Variants in CACNA1C observed in about 807,000 individuals in gnomAD.
CACNA1C encodes the protein voltage-dependent L-type calcium channel subunit alpha-1C.
Under a neutral mutation model 229.0 loss-of-function variants are expected in CACNA1C, and 30 were observed. That is an observed-to-expected ratio of 0.13 (90% CI 0.10 to 0.18). CACNA1C has a LOEUF of 0.18. Among genes scored for constraint, CACNA1C ranks in the 10% least tolerant of loss-of-function variants. The pLI, the probability that CACNA1C is intolerant of heterozygous loss-of-function variation, is 1.00. For synonymous variants in CACNA1C, 1,114 were observed against 1,132.5 expected, an observed-to-expected ratio of 0.98 and a Z score of 0.33; for missense variants, 1,658 against 2,845.0, an observed-to-expected ratio of 0.58 and a Z score of 9.49.
intron 1 of CACNA1C, among the ~76,000 whole-genome samples, chr12:2,109,127 A>G (rs2080523167): frequency 6.6e-6 from 1 of 152,166 alleles, no homozygotes; most frequent in African/African-American, 2.4e-5. Flanking sequence ...TGGAGGAGTG[A>G]CCTGCTTTTG....
intron 38 of CACNA1C, among the ~76,000 whole-genome samples, chr12:2,673,523 G>T (rs1278488619): frequency 1.3e-5 from 2 of 151,434 alleles, no homozygotes; most frequent in African/African-American, 4.9e-5. Flanking sequence ...CAGGTCAGAA[G>T]TCCAGCAGTG....
chr12:2,154,176 G>A (rs2095434075), intron 3 of CACNA1C, among the ~76,000 whole-genome samples: 1 of 152,118 alleles, frequency 6.6e-6, no homozygotes, highest in African/African-American at 2.4e-5. Flanking sequence ...CCTGACAAAA[G>A]GAGGCTTAGT....
chr12:1,997,941 T>C (rs554038476), intron 1 of CACNA1C: 1 of 1,608,210 alleles, frequency 6.2e-7, no homozygotes, highest in East Asian at 2.2e-5. Context: ...TTACCTTGTA[T>C]AAACAAATAA....
chr12:2,093,344 T>C (rs910885457), intron 1 of CACNA1C, among the ~76,000 whole-genome samples: 2 of 152,276 alleles, frequency 1.3e-5, no homozygotes, highest in East Asian at 3.9e-4. Context: ...CCCTGATGCT[T>C]CTTGACCACT....
intron 1 of CACNA1C, among the ~76,000 whole-genome samples, chr12:2,056,114 C>T (rs1024585455): frequency 2.6e-5 from 4 of 152,026 alleles, no homozygotes; most frequent in African/African-American, 7.2e-5. Context: ...CCTCTCTTCC[C>T]GACATGCTCT....
Position 2,653,934 on chromosome 12 carries a change from C to T in CACNA1C, c.4140+34C>T, listed in dbSNP as rs763352154. ...GCTCCCACCACGGGGCTCCTGGCCTCCCGCTCTGTCTCTCCCCAGTTCCCA... is the reference window on the plus strand; with the variant it reads ...GCTCCCACCACGGGGCTCCTGGCCTTCCGCTCTGTCTCTCCCCAGTTCCCA... On this transcript the variant is annotated intron_variant, in intron 33 of 46. Coordinates refer to ENST00000399655, the MANE Select transcript of CACNA1C (RefSeq NM_000719.7). The surrounding 1 kb of genome is among the most constrained non-coding windows in gnomAD (Gnocchi z 4.7). The T allele has an allele frequency of 1.9e-6, 3 of 1,566,834 alleles. No homozygotes were observed. The highest frequency in any genetic ancestry group is 1.1e-5 in the South Asian group (1 of 90,038).
In CACNA1C at chr12:2,235,185, ACTGT is replaced by A. The variant is rs1040523314; in HGVS notation, c.477+114760_477+114763del. Among the ~76,000 whole-genome samples the A allele has an allele frequency of 4.4e-4, 67 of 152,130 alleles. 1 individual carries two copies. The highest frequency in any genetic ancestry group is 1.4e-3 in the African/African-American group (58 of 41,428). ...CCGGGGGAATACCTGGAGAGTAAAC[ACTGT>A]CTGTGGTACAGGGGGGCCATTCTTC... is the stretch of plus-strand genomic sequence containing the variant. On this transcript the variant is annotated intron_variant, in intron 3 of 46. Coordinates refer to ENST00000399655, the MANE Select transcript of CACNA1C (RefSeq NM_000719.7).
chr12:2,523,999 C>T (rs910867287), intron 9 of CACNA1C, among the ~76,000 whole-genome samples: 22 of 152,336 alleles, frequency 1.4e-4, no homozygotes, highest in Middle Eastern at 3.4e-3. Flanking sequence ...AGTGACAGCT[C>T]CAGCCTTTCT....
At chr12:2,143,532 C>T (rs934615945) in intron 3 of CACNA1C, among the ~76,000 whole-genome samples, 1 of 151,136 alleles carries the variant, frequency 6.6e-6, no homozygotes, top group Non-Finnish European at 1.5e-5. Context: ...CATTGTGCGA[C>T]AGTTGCTACA....
chr12:2,199,255 A>G (rs1318810368), intron 3 of CACNA1C, among the ~76,000 whole-genome samples: 2 of 152,134 alleles, frequency 1.3e-5, no homozygotes, highest in African/African-American at 4.8e-5. Context: ...ACTCTTGAAC[A>G]GTACGGGTTT....
intron 1 of CACNA1C, among the ~76,000 whole-genome samples, chr12:2,037,171 A>G (rs1186068553): frequency 1.3e-5 from 2 of 152,192 alleles, no homozygotes; most frequent in African/African-American, 4.8e-5. Flanking sequence ...TATACATAGG[A>G]GTAAACAGAG....
intron 37 of CACNA1C, chr12:2,668,482 G>A (rs972655270): frequency 1.8e-5 from 3 of 168,576 alleles, no homozygotes; most frequent in Admixed American, 1.2e-4. Flanking sequence ...CTGCTGTAAA[G>A]AAATACCTGA....
At chr12:2,663,171 A>G (rs1037122962) in intron 34 of CACNA1C, among the ~76,000 whole-genome samples, 2 of 152,208 alleles carry the variant, frequency 1.3e-5, no homozygotes, top group African/African-American at 2.4e-5. Context: ...ACCAAAATAC[A>G]CCGTAAATAA....
chr12:2,256,012 G>T (rs368036552), intron 3 of CACNA1C, among the ~76,000 whole-genome samples: 9 of 147,744 alleles, frequency 6.1e-5, no homozygotes, highest in East Asian at 3.9e-4. Context: ...ACCCTGACCT[G>T]ACTAGTTTAC....
In CACNA1C at chr12:2,135,040, A is replaced by C. The variant is rs1458230484; in HGVS notation, c.477+14610A>C. ...CTTTTTTCTCTAAACTTCCCTTCTC[A>C]CTTCATTTCATTCATTTCATCTTCC... On this transcript the variant is annotated intron_variant, in intron 3 of 46. Transcript: ENST00000399655. Among the ~76,000 whole-genome samples, 3 of 143,050 alleles carry C rather than the reference A, an allele frequency of 2.1e-5. No homozygotes were observed. The Admixed American group carries it at 2.1e-4, about 10-fold the overall frequency. The allele number at this position is 143,050 out of a possible 152,430, so 93.8% of individuals were successfully genotyped here. A position where few individuals can be genotyped will look rare whatever the true frequency, so the allele number is the denominator to read the frequency against.
At chr12:2,534,365 G>A (rs147648146) in intron 9 of CACNA1C, among the ~76,000 whole-genome samples, 5 of 152,312 alleles carry the variant, frequency 3.3e-5, no homozygotes, top group East Asian at 3.9e-4. Flanking sequence ...CAAGGGTCCC[G>A]TGTGCTGAGT....
chr12:2,510,293 C>G (rs576102291), intron 8 of CACNA1C, among the ~76,000 whole-genome samples: 1 of 152,302 alleles, frequency 6.6e-6, no homozygotes, highest in South Asian at 2.1e-4. Flanking sequence ...GGCACTGCCA[C>G]CAGCAGATCC....
intron 3 of CACNA1C, among the ~76,000 whole-genome samples, chr12:2,350,369 C>T (rs1215758500): frequency 1.3e-5 from 2 of 152,142 alleles, no homozygotes; most frequent in African/African-American, 2.4e-5. Flanking sequence ...TGTGACTCTC[C>T]CATTTTACAG....
At chr12:2,102,718 T>C (rs1225069479) in intron 1 of CACNA1C, among the ~76,000 whole-genome samples, 1 of 152,226 alleles carries the variant, frequency 6.6e-6, no homozygotes, top group East Asian at 1.9e-4. Flanking sequence ...TTTCTCCTAA[T>C]GCTATCCCTC....
Sources: gnomAD v4.1 joint callset for allele counts (sites outside exome capture counted in the v4.1 genomes callset) on GRCh38, gnomAD v4.1.1 for gene constraint, Gnocchi (gnomAD v3.1) non-coding constraint, MANE v1.5 for transcripts, NCBI Gene and HGNC (gene_info 2026-07-23, HGNC 2026-07-21) for gene names.